The following KRABD3 variants were observed in gnomAD, a reference collection of about 807,000 sequenced individuals.
KRABD3 encodes the protein KRAB domain-containing protein 3.
chr7:149,722,872 C>G, the KRABD3 span: 6 of 1,613,730 alleles, frequency 3.7e-6, no homozygotes, highest in African/African-American at 1.3e-5. Flanking sequence ...CGAGACATCC[C>G]CAAGCTTCTT....
chr7:149,726,342 C>A, the KRABD3 span, among the ~76,000 whole-genome samples: 6 of 152,100 alleles, frequency 3.9e-5, no homozygotes, highest in Non-Finnish European at 8.8e-5. Context: ...CACGCCTGTA[C>A]TCCCAGCACT....
At chr7:149,721,879 CTCA>C in the KRABD3 span, 1 of 469,010 alleles carries the variant, frequency 2.1e-6, no homozygotes, top group African/African-American at 2.0e-5. Flanking sequence ...CTTAGACCGT[CTCA>C]TCACAGCAAC....
chr7:149,733,488 C>T, the KRABD3 span: 9 of 1,582,136 alleles, frequency 5.7e-6, no homozygotes, highest in Non-Finnish European at 7.7e-6. Flanking sequence ...CCCCAAGGCC[C>T]TGGGCCAATG....
chr7:149,721,500 C>G, the KRABD3 span: 1 of 1,612,662 alleles, frequency 6.2e-7, no homozygotes, highest in Non-Finnish European at 8.5e-7. Context: ...AGTGGCCCAA[C>G]TGGTGACGGG....
At chr7:149,728,236 G>A in the KRABD3 span, among the ~76,000 whole-genome samples, 1 of 152,234 alleles carries the variant, frequency 6.6e-6, no homozygotes, top group Non-Finnish European at 1.5e-5. Flanking sequence ...CATCCCTCAC[G>A]GTGGTGGCAG....
the KRABD3 span, chr7:149,730,578 G>T: frequency 6.2e-7 from 1 of 1,609,678 alleles, no homozygotes; most frequent in Middle Eastern, 1.7e-4. Context: ...GGTGAGCCTG[G>T]GGTCTCCTGA....
the KRABD3 span, chr7:149,729,116 C>G: frequency 1.6e-4 from 198 of 1,230,984 alleles, 2 homozygotes; most frequent in South Asian, 3.4e-3. Flanking sequence ...AGAAACTGTT[C>G]CCTGTCCCTT....
At chr7:149,719,920 G>C in the KRABD3 span, 1 of 1,425,924 alleles carries the variant, frequency 7.0e-7, no homozygotes, top group South Asian at 1.4e-5. The surrounding 1 kb of genome is among the most constrained non-coding windows in gnomAD (Gnocchi z 5.6). Flanking sequence ...AATGTGCACA[G>C]ACCTGCAGGG....
chr7:149,715,059 C>A, the KRABD3 span: 1 of 1,230,122 alleles, frequency 8.1e-7, no homozygotes, highest in Admixed American at 4.2e-5. Context: ...CCGGGGATGG[C>A]GCGCCAGGTA....
At chr7:149,720,255 C>T in the KRABD3 span, 5 of 1,033,712 alleles carry the variant, frequency 4.8e-6, no homozygotes, top group Admixed American at 1.3e-4. Context: ...ACCTCCCAAG[C>T]TTTCACCCCT....
chr7:149,721,086 C>A, the KRABD3 span: 2 of 1,467,242 alleles, frequency 1.4e-6, no homozygotes, highest in East Asian at 2.4e-5. Context: ...GGCTTGCAGG[C>A]ACAGGCCGGG....
At chr7:149,724,710 C>G in the KRABD3 span, 1 of 1,550,760 alleles carries the variant, frequency 6.4e-7, no homozygotes, top group Admixed American at 2.0e-5. Flanking sequence ...GCGGTCTGCT[C>G]TCTGTGAAGA....
the KRABD3 span, among the ~76,000 whole-genome samples, chr7:149,722,218 G>A: frequency 1.1e-4 from 16 of 152,278 alleles, no homozygotes; most frequent in African/African-American, 3.1e-4. Context: ...GGCTCAGGGG[G>A]AAGGGTCTGG....
chr7:149,728,513 A>G, the KRABD3 span: 2 of 1,612,622 alleles, frequency 1.2e-6, no homozygotes, highest in Non-Finnish European at 1.7e-6. Context: ...TGAATGTTTG[A>G]TCTTCACAGG....
chr7:149,723,179 T>A, the KRABD3 span, among the ~76,000 whole-genome samples: 6 of 152,216 alleles, frequency 3.9e-5, no homozygotes, highest in Non-Finnish European at 7.3e-5. Context: ...TCTTCATGTC[T>A]CTTCCTCCTC....
At chr7:149,724,493 T>A in the KRABD3 span, among the ~76,000 whole-genome samples, 1 of 152,042 alleles carries the variant, frequency 6.6e-6, no homozygotes, top group Non-Finnish European at 1.5e-5. Context: ...GTGACTCAGG[T>A]CTCTGCTGGT....
At chr7:149,724,949 C>G in the KRABD3 span, 1 of 1,022,800 alleles carries the variant, frequency 9.8e-7, no homozygotes, top group Non-Finnish European at 1.4e-6. Context: ...CAGCAGGGAG[C>G]CGCCCCCTGG....
chr7:149,733,897 A>G, the KRABD3 span: 3 of 1,591,706 alleles, frequency 1.9e-6, no homozygotes, highest in Non-Finnish European at 2.6e-6. Context: ...CAGCCAGTGC[A>G]GATGCAGACG....
chr7:149,729,259 C>A, the KRABD3 span: 27 of 1,604,286 alleles, frequency 1.7e-5, 1 homozygote, highest in South Asian at 4.5e-5. Flanking sequence ...CCGGAGCCTC[C>A]ATCTGGTCAG....
Sources: allele counts gnomAD v4.1 joint callset (sites outside exome capture counted in the v4.1 genomes callset), GRCh38; gene constraint gnomAD v4.1.1; non-coding constraint Gnocchi (gnomAD v3.1); transcripts MANE v1.5; gene names NCBI Gene and HGNC (gene_info 2026-07-23, HGNC 2026-07-21).